The following CCL28 variants were observed in gnomAD, a reference collection of about 807,000 sequenced individuals.
CCL28 encodes C-C motif chemokine ligand 28, also known as C-C motif chemokine 28.
CCL28 carries 4 observed loss-of-function variants against 7.1 expected under a neutral mutation model. The observed-to-expected ratio is 0.56, with a 90% CI of 0.28 to 1.29. The LOEUF (loss-of-function observed/expected upper bound fraction) is 1.29, where lower values mean the gene tolerates loss of function less well. CCL28 is among the 50% of genes most tolerant of loss of function. The probability of loss-of-function intolerance (pLI) is 0.11; values close to 1 mark genes in which losing one functional copy is unlikely to be tolerated. For synonymous variants in CCL28, 55 were observed against 57.8 expected (o/e 0.95, Z 0.22); for missense variants, 151 against 163.4 (o/e 0.92, Z 0.41).
At chr5:43,373,462 G>A (rs144867011), downstream of CCL28, among the ~76,000 whole-genome samples, 1,001 of 152,040 alleles carry the variant, frequency 6.6e-3, 17 homozygotes, top group African/African-American at 0.021. Context: ...CACCACGCCC[G>A]GCTAATTTTG....
chr5:43,368,322 AT>A, the CCL28 span, among the ~76,000 whole-genome samples: 1 of 152,258 alleles, frequency 6.6e-6, no homozygotes, highest in Non-Finnish European at 1.5e-5. Flanking sequence ...GTTGCCCGCA[AT>A]ATCCTTTTTC....
intron 1 of CCL28, among the ~76,000 whole-genome samples, chr5:43,410,666 G>A (rs1438783983): frequency 6.6e-6 from 1 of 152,148 alleles, no homozygotes; most frequent in Non-Finnish European, 1.5e-5. Flanking sequence ...CTTTCCTGTA[G>A]GAGAGCTGCC....
chr5:43,400,089 TC>T (rs1740971786), intron 1 of CCL28, among the ~76,000 whole-genome samples: 1 of 152,060 alleles, frequency 6.6e-6, no homozygotes, highest in Non-Finnish European at 1.5e-5. Flanking sequence ...CAAGCAATCC[TC>T]CCACCTCAGC....
the CCL28 span, among the ~76,000 whole-genome samples, chr5:43,370,280 A>G: frequency 6.6e-6 from 1 of 152,170 alleles, no homozygotes; most frequent in African/African-American, 2.4e-5. Context: ...ATACATAAAC[A>G]TGTGTTCAGT....
downstream of CCL28, among the ~76,000 whole-genome samples, chr5:43,376,017 A>G (rs1367194462): frequency 2.0e-5 from 3 of 152,198 alleles, no homozygotes; most frequent in African/African-American, 7.2e-5. Flanking sequence ...CCTGGGCAAC[A>G]AGAGCGAAAC....
the CCL28 span, among the ~76,000 whole-genome samples, chr5:43,360,163 C>G: frequency 0.47 from 71,821 of 151,910 alleles, 17,484 homozygotes; most frequent in Middle Eastern, 0.62. Context: ...ACCGGGTAAT[C>G]CTGCACAAAT....
intron 2 of CCL28, among the ~76,000 whole-genome samples, chr5:43,384,280 A>G (rs2111721307): frequency 6.6e-6 from 1 of 152,316 alleles, no homozygotes; most frequent in South Asian, 2.1e-4. Flanking sequence ...GTGGAGGACC[A>G]TAGGAAAACA....
intron 1 of CCL28, among the ~76,000 whole-genome samples, chr5:43,405,221 T>A (rs1413983832): frequency 2.0e-5 from 3 of 152,170 alleles, no homozygotes; most frequent in African/African-American, 7.2e-5. Context: ...TAGCATCACA[T>A]TGCACTTATT....
chr5:43,371,380 T>G, the CCL28 span, among the ~76,000 whole-genome samples: 3 of 152,242 alleles, frequency 2.0e-5, no homozygotes, highest in Non-Finnish European at 4.4e-5. Context: ...CATGCCATTG[T>G]GTAGTCCCCA....
chr5:43,408,183 T>C (rs1741376860), intron 1 of CCL28, among the ~76,000 whole-genome samples: 1 of 152,216 alleles, frequency 6.6e-6, no homozygotes, highest in South Asian at 2.1e-4. Context: ...TAAAGACACA[T>C]GCACATGTAT....
intron 1 of CCL28, among the ~76,000 whole-genome samples, chr5:43,403,342 T>G (rs1273729124): frequency 6.6e-6 from 1 of 152,172 alleles, no homozygotes; most frequent in Non-Finnish European, 1.5e-5. Flanking sequence ...CAGCAACATT[T>G]GCCATTCTGC....
At chr5:43,411,029 T>A (rs1741517092) in intron 1 of CCL28, among the ~76,000 whole-genome samples, 1 of 152,234 alleles carries the variant, frequency 6.6e-6, no homozygotes, top group Non-Finnish European at 1.5e-5. Context: ...GACCAGGCAG[T>A]TAATACAGCA....
chr5:43,403,455 T>A (rs1741127047), intron 1 of CCL28, among the ~76,000 whole-genome samples: 2 of 152,182 alleles, frequency 1.3e-5, no homozygotes, highest in African/African-American at 4.8e-5. Context: ...GGGTCCTGAC[T>A]GTCAGAAGGA....
intron 1 of CCL28, among the ~76,000 whole-genome samples, chr5:43,395,277 C>T (rs1740752160): frequency 1.3e-5 from 2 of 151,430 alleles, no homozygotes; most frequent in South Asian, 4.2e-4. Context: ...ACAATTTCTA[C>T]TTTATTCTCA....
At chr5:43,359,548 C>T in the CCL28 span, among the ~76,000 whole-genome samples, 4 of 152,324 alleles carry the variant, frequency 2.6e-5, no homozygotes, top group African/African-American at 9.6e-5. Context: ...GGTGTCATAG[C>T]CATCATGAAC....
At position 43,379,661 on chromosome 5, in the gene CCL28, C is replaced by G. The variant is rs571729618; in HGVS notation, c.*2199G>C. The stretch of plus-strand genomic sequence containing the variant: ...CCTCCAAGACATCCTGGCAACACCA[C>G]CGCTTGGGACTAGCCAGCAGGGAGG... On this transcript the variant is annotated 3_prime_UTR_variant, in exon 3 of 3. Coordinates refer to ENST00000361115, the MANE Select transcript of CCL28 (RefSeq NM_148672.3). 1.3e-5 allele frequency: 2 copies of G among 152,272 alleles called. No individual in the cohort carries two copies. Among genetic ancestry groups the G allele is most frequent in the African/African-American group, 4.8e-5 (2 of 41,458 alleles). The allele number at this position is 152,272 out of a possible 1,614,324, so 9.4% of individuals were successfully genotyped here. A position where few individuals can be genotyped will look rare whatever the true frequency, so the allele number is the denominator to read the frequency against.
the CCL28 span, among the ~76,000 whole-genome samples, chr5:43,367,950 C>A: frequency 1.3e-5 from 2 of 152,320 alleles, no homozygotes; most frequent in South Asian, 4.1e-4. Flanking sequence ...CCAGAACTGC[C>A]ATGAAGTTAA....
intron 1 of CCL28, among the ~76,000 whole-genome samples, chr5:43,401,054 G>C (rs1340520742): frequency 3.3e-5 from 5 of 150,530 alleles, no homozygotes; most frequent in Non-Finnish European, 7.4e-5. Context: ...CTGCACTCCA[G>C]TGTGGGCAAC....
intron 1 of CCL28, among the ~76,000 whole-genome samples, chr5:43,401,999 G>A (rs1475436129): frequency 4.6e-5 from 7 of 152,174 alleles, no homozygotes; most frequent in Non-Finnish European, 1.0e-4. Context: ...ATGGCAACTA[G>A]CAGCACCCCT....
Sources: allele counts gnomAD v4.1 joint callset (sites outside exome capture counted in the v4.1 genomes callset), GRCh38; gene constraint gnomAD v4.1.1; transcripts MANE v1.5; gene names NCBI Gene and HGNC (gene_info 2026-07-23, HGNC 2026-07-21).